The following FBXO40 variants were observed in gnomAD, a reference collection of about 807,000 sequenced individuals.
The protein encoded by FBXO40 is F-box protein 40.
A neutral mutation model predicts 49.9 loss-of-function variants in FBXO40; 50 were observed. That is an observed-to-expected ratio of 1.00 (90% CI 0.80 to 1.27). FBXO40 has a LOEUF of 1.27. FBXO40 is among the 50% of genes most tolerant of loss of function. The pLI is 0.00. For synonymous variants in FBXO40, 340 were observed against 320.2 expected (o/e 1.06, Z -0.66); for missense variants, 895 against 870.1 (o/e 1.03, Z -0.36).
At chr3:121,612,859 GT>G in intron 1 of FBXO40, among the ~76,000 whole-genome samples, 1 of 152,008 alleles carries the variant, frequency 6.6e-6, no homozygotes, top group Non-Finnish European at 1.5e-5. Flanking sequence ...CACGAGGTCA[GT>G]GAATCGAGGC....
intron 1 of FBXO40, among the ~76,000 whole-genome samples, chr3:121,603,057 A>G (rs2048909530): frequency 6.6e-6 from 1 of 152,226 alleles, no homozygotes; most frequent in Non-Finnish European, 1.5e-5. Flanking sequence ...TTCTTGGGTC[A>G]CAGACTGCCA....
intron 1 of FBXO40, among the ~76,000 whole-genome samples, chr3:121,611,755 AC>A (rs2048966943): frequency 1.3e-5 from 2 of 152,270 alleles, no homozygotes; most frequent in Admixed American, 1.3e-4. Flanking sequence ...CTTGGACAAT[AC>A]CCCGCTTTCA....
At chr3:121,611,415 T>C (rs183791305) in intron 1 of FBXO40, among the ~76,000 whole-genome samples, 1 of 152,336 alleles carries the variant, frequency 6.6e-6, no homozygotes, top group East Asian at 1.9e-4. Context: ...GATGGTACTA[T>C]ACCTGGATGT....
chr3:121,623,251 G>A lies in FBXO40; in HGVS notation c.1822G>A (p.Ala608Thr). The change falls in exon 3 of 4, where the codon GCC becomes ACC. Residue 608 changes from alanine to threonine, a missense_variant. Coordinates refer to ENST00000338040, the MANE Select transcript of FBXO40 (RefSeq NM_016298.4). ...GTCTGTGCTGATGAGGAATATCTGTGCCACTTTGTTACAAGAGAGAGGAAT... is the reference window on the plus strand; with the variant it reads ...GTCTGTGCTGATGAGGAATATCTGTACCACTTTGTTACAAGAGAGAGGAAT... ...QVSVLMRNIC[A>T]TLLQERGMVL... 1 of 1,614,176 alleles carries A rather than the reference G, an allele frequency of 6.2e-7. No individual in the cohort carries two copies. The highest frequency in any genetic ancestry group is 2.2e-5 in the East Asian group (1 of 44,894).
chr3:121,617,513 T>G (rs1410218278), intron 1 of FBXO40, among the ~76,000 whole-genome samples: 1 of 152,152 alleles, frequency 6.6e-6, no homozygotes, highest in African/African-American at 2.4e-5. Flanking sequence ...GAGAATCGCT[T>G]GAACCTAGGA....
In FBXO40 at chr3:121,622,099, A is replaced by G; in HGVS notation, c.670A>G (p.Lys224Glu). 2 of 1,614,250 alleles carry G rather than the reference A, an allele frequency of 1.2e-6. No individual in the cohort carries two copies. The highest frequency in any genetic ancestry group is 1.7e-6 in the Non-Finnish European group (2 of 1,180,044). Residue 224 changes from lysine (K) to glutamate (E), a missense_variant, in exon 3 of 4, where the codon AAA (lysine) becomes GAA (glutamate). Lys to Glu is a moderately conservative substitution (Grantham distance 56). Coordinates refer to ENST00000338040, the MANE Select transcript of FBXO40 (RefSeq NM_016298.4). ...TGGCCAGTGGGAAAATATTTTCAGCAAAGAGCACGCAGCCTCTGCTTTAAC... is the reference window on the plus strand; with the variant it reads ...TGGCCAGTGGGAAAATATTTTCAGCGAAGAGCACGCAGCCTCTGCTTTAAC... The part of the protein sequence containing the change: ...KFGQWENIFS[K>E]EHAASALTNS...
At chr3:121,610,450 AG>A (rs1241523307) in intron 1 of FBXO40, among the ~76,000 whole-genome samples, 5 of 152,152 alleles carry the variant, frequency 3.3e-5, no homozygotes, top group Non-Finnish European at 7.3e-5. Context: ...CCTTGGAGTC[AG>A]GGTCAGTGTT....
rs555162944 is a variant in FBXO40, at chr3:121,607,300, C to CTTTTTT, written c.-30-13226_-30-13221dup. On this transcript the variant is annotated intron_variant, in intron 1 of 3. Transcript: ENST00000338040. Reference sequence around the variant, plus strand: ...AAAAAATTGAGAGACCTCTAAAGCTCTTTTTTTTTTTTTTTTTTTTTTTTT... The same window carrying CTTTTTT: ...AAAAAATTGAGAGACCTCTAAAGCTCTTTTTTTTTTTTTTTTTTTTTTTTTTTTTTT... Among the ~76,000 whole-genome samples, 164 of 60,130 alleles carry CTTTTTT rather than the reference C, an allele frequency of 2.7e-3. 13 individuals carry two copies. The highest frequency in any genetic ancestry group is 8.2e-3 in the African/African-American group (123 of 15,082). The allele number at this position is 60,130 out of a possible 152,430, so 39.4% of individuals were successfully genotyped here.
intron 1 of FBXO40, among the ~76,000 whole-genome samples, chr3:121,604,934 CTTTATTTA>C (rs138412565): frequency 0.34 from 50,042 of 145,578 alleles, 9,186 homozygotes; most frequent in Admixed American, 0.49. Context: ...GGTTGGCTGG[CTTTATTTA>C]TTTATTTATT....
intron 1 of FBXO40, among the ~76,000 whole-genome samples, chr3:121,599,039 A>G (rs894752144): frequency 6.6e-6 from 1 of 152,102 alleles, no homozygotes; most frequent in African/African-American, 2.4e-5. Flanking sequence ...TATTAGTTTG[A>G]CTGCTAACTC....
At chr3:121,601,991 C>G (rs560580887) in intron 1 of FBXO40, among the ~76,000 whole-genome samples, 1 of 152,212 alleles carries the variant, frequency 6.6e-6, no homozygotes, top group Non-Finnish European at 1.5e-5. Flanking sequence ...GGTCCCACTG[C>G]GCAGCTAAAA....
chr3:121,624,896 A>C (rs771817218), intron 3 of FBXO40, among the ~76,000 whole-genome samples: 7 of 152,076 alleles, frequency 4.6e-5, no homozygotes, highest in Non-Finnish European at 1.0e-4. Context: ...AAATCTCTTC[A>C]AATTACCCGG....
chr3:121,622,424 G>C lies in FBXO40; in HGVS notation c.995G>C (p.Arg332Thr). The change falls in exon 3 of 4, where the codon AGA becomes ACA. Residue 332 changes from arginine (R) to threonine (T), a missense_variant. Coordinates refer to ENST00000338040, the MANE Select transcript of FBXO40 (RefSeq NM_016298.4). The stretch of plus-strand genomic sequence containing the variant: ...ATGCCTGCTTGTACACCCAAGGAGA[G>C]AGACTTTGTTTATGGCAAGCTGGAG... ...GQMPACTPKERDFVYGKLEAQ... is the reference protein window; with the variant it reads ...GQMPACTPKETDFVYGKLEAQ... 6.2e-7 allele frequency: 1 copy of C among 1,614,222 alleles called. No individual in the cohort carries two copies. Among genetic ancestry groups the C allele is most frequent in the Non-Finnish European group, 8.5e-7 (1 of 1,180,042 alleles).
intron 1 of FBXO40, among the ~76,000 whole-genome samples, chr3:121,604,548 A>G (rs1218116245): frequency 6.6e-6 from 1 of 152,220 alleles, no homozygotes; most frequent in Non-Finnish European, 1.5e-5. Context: ...GTTAGCCATT[A>G]TCTAAAGAAA....
At chr3:121,594,559 A>G (rs1576448173) in intron 1 of FBXO40, among the ~76,000 whole-genome samples, 1 of 152,170 alleles carries the variant, frequency 6.6e-6, no homozygotes, top group Non-Finnish European at 1.5e-5. Context: ...AACATTTGCT[A>G]TGTTTGCTTG....
chr3:121,593,927 A>G (rs2048856159), intron 1 of FBXO40, among the ~76,000 whole-genome samples: 1 of 149,322 alleles, frequency 6.7e-6, no homozygotes, highest in East Asian at 2.0e-4. Context: ...GTGCAGTGGC[A>G]CCATCTTGGC....
chr3:121,595,830 A>G (rs971786611), intron 1 of FBXO40, among the ~76,000 whole-genome samples: 3 of 152,232 alleles, frequency 2.0e-5, no homozygotes, highest in Non-Finnish European at 2.9e-5. Flanking sequence ...GCTGGTTAAC[A>G]GGTTAAGAGT....
In FBXO40 at chr3:121,622,070, A is replaced by G; in HGVS notation, c.641A>G (p.Lys214Arg). 1 of 1,614,232 alleles carries G rather than the reference A, an allele frequency of 6.2e-7. No individual in the cohort carries two copies. The highest frequency in any genetic ancestry group is 1.1e-5 in the South Asian group (1 of 91,074). Residue 214 changes from lysine to arginine, a missense_variant, in exon 3 of 4, where the codon AAG (lysine) becomes AGG (arginine). Transcript: ENST00000338040. Reference protein sequence around the residue: ...AKTKEGMDLVKFGQWENIFSK... With the variant: ...AKTKEGMDLVRFGQWENIFSK... ...ACCAAAGAAGGGATGGACCTGGTCA[A>G]GTTTGGCCAGTGGGAAAATATTTTC... is the stretch of plus-strand genomic sequence containing the variant.
At chr3:121,598,570 C>T (rs2048884840) in intron 1 of FBXO40, among the ~76,000 whole-genome samples, 1 of 152,148 alleles carries the variant, frequency 6.6e-6, no homozygotes, top group African/African-American at 2.4e-5. Context: ...GTGGAAGGAC[C>T]TGGTGTGTGA....
Sources: allele counts gnomAD v4.1 joint callset (sites outside exome capture counted in the v4.1 genomes callset), GRCh38; gene constraint gnomAD v4.1.1; transcripts MANE v1.5; gene names NCBI Gene and HGNC (gene_info 2026-07-23, HGNC 2026-07-21).